The following ATP10A variants were observed in gnomAD, a reference collection of about 807,000 sequenced individuals.
ATP10A encodes the protein phospholipid-transporting ATPase VA.
A neutral mutation model predicts 147.8 loss-of-function variants in ATP10A; 111 were observed. The observed-to-expected ratio is 0.75, with a 90% CI of 0.64 to 0.88. The LOEUF is 0.88. Ranked by LOEUF, ATP10A falls within the 40% of genes least tolerant of loss-of-function variation. ATP10A has a pLI of 0.00. For synonymous variants in ATP10A, 875 were observed against 841.6 expected (o/e 1.04, Z -0.69); for missense variants, 1,927 against 1,959.0 (o/e 0.98, Z 0.31).
intron 2 of ATP10A, among the ~76,000 whole-genome samples, chr15:25,762,725 G>A (rs1046362001): frequency 3.9e-5 from 6 of 152,134 alleles, no homozygotes; most frequent in Middle Eastern, 3.4e-3. Flanking sequence ...AGGAATTGGC[G>A]TGTGGCACCA....
intron 1 of ATP10A, among the ~76,000 whole-genome samples, chr15:25,835,262 C>A (rs990913063): frequency 1.3e-4 from 20 of 152,066 alleles, no homozygotes; most frequent in African/African-American, 4.6e-4. Context: ...TAGAGTGAGA[C>A]CTTATCTCTT....
intron 16 of ATP10A, among the ~76,000 whole-genome samples, chr15:25,685,455 T>C (rs1223267165): frequency 6.6e-6 from 1 of 152,232 alleles, no homozygotes; most frequent in African/African-American, 2.4e-5. Context: ...ACATCATTCT[T>C]GCCCTCCCTT....
intron 16 of ATP10A, 84 bp from the exon 17 acceptor site, chr15:25,683,570 C>A: frequency 7.9e-7 from 1 of 1,264,104 alleles, no homozygotes; most frequent in Non-Finnish European, 1.1e-6. Context: ...GACAGGCCTG[C>A]AGAGTTTCAC....
chr15:25,673,283 C>T (rs924822157), downstream of ATP10A, among the ~76,000 whole-genome samples: 2 of 152,172 alleles, frequency 1.3e-5, no homozygotes, highest in East Asian at 1.9e-4. Flanking sequence ...GAGGCCCCTG[C>T]TACCCACTGT....
At chr15:25,824,148 GA>G (rs11431365) in intron 1 of ATP10A, among the ~76,000 whole-genome samples, 2 of 151,978 alleles carry the variant, frequency 1.3e-5, no homozygotes, top group African/African-American at 4.8e-5. Flanking sequence ...CTATTAAAGA[GA>G]AAAAAAATAT....
intron 13 of ATP10A, among the ~76,000 whole-genome samples, 166 bp from the exon 14 acceptor site, chr15:25,695,312 T>C (rs1900262597): frequency 6.6e-6 from 1 of 152,124 alleles, no homozygotes; most frequent in Non-Finnish European, 1.5e-5. Context: ...CCGGAGAGGA[T>C]GACTTTCCCC....
chr15:25,729,695 T>C (rs1277014861), intron 3 of ATP10A, among the ~76,000 whole-genome samples: 1 of 152,160 alleles, frequency 6.6e-6, no homozygotes, highest in African/African-American at 2.4e-5. Flanking sequence ...TTCTGTCCAC[T>C]CTGTGCTAGC....
intron 1 of ATP10A, among the ~76,000 whole-genome samples, chr15:25,815,958 T>G (rs1018221410): frequency 6.6e-6 from 1 of 151,680 alleles, no homozygotes; most frequent in Non-Finnish European, 1.5e-5. Flanking sequence ...GACAATTGTG[T>G]AGGGTGGAAA....
At chr15:25,732,856 C>T (rs552419192) in intron 3 of ATP10A, among the ~76,000 whole-genome samples, 103 of 152,088 alleles carry the variant, frequency 6.8e-4, no homozygotes, top group African/African-American at 2.4e-3. Context: ...CGCCCGGCCA[C>T]GACACCTTCT....
chr15:25,809,748 C>T (rs8041836), intron 1 of ATP10A, among the ~76,000 whole-genome samples: 1 of 151,868 alleles, frequency 6.6e-6, no homozygotes, highest in Non-Finnish European at 1.5e-5. Context: ...TTTAATCTCT[C>T]GTCTCCAGCA....
At chr15:25,806,495 G>A (rs1891194988) in intron 1 of ATP10A, among the ~76,000 whole-genome samples, 1 of 151,862 alleles carries the variant, frequency 6.6e-6, no homozygotes, top group South Asian at 2.1e-4. Flanking sequence ...TGTATTTTTA[G>A]TAGAGACGGG....
intron 1 of ATP10A, among the ~76,000 whole-genome samples, chr15:25,791,748 T>C (rs1232151666): frequency 6.6e-6 from 1 of 152,174 alleles, no homozygotes; most frequent in African/African-American, 2.4e-5. Context: ...GTGAGAGCAT[T>C]CATATTGAAA....
Position 25,687,793 on chromosome 15 carries a change from G to A in ATP10A, c.3201C>T (p.Phe1067=), listed in dbSNP as rs1443585959. 4.3e-6 allele frequency: 7 copies of A among 1,613,936 alleles called. No individual in the cohort carries two copies. The highest frequency in any genetic ancestry group is 5.1e-6 in the Non-Finnish European group (6 of 1,179,886). Residue 1067 remains phenylalanine, a synonymous_variant, in exon 16 of 21, where the codon TTC becomes TTT. Coordinates refer to ENST00000555815, the MANE Select transcript of ATP10A (RefSeq NM_024490.4). Reference sequence around the variant, plus strand: ...GAATCAAGAGCCTCTCCAGGTATCGGAATTTCGGCACTGCAAAGTCGCTGG... The same window carrying A: ...GAATCAAGAGCCTCTCCAGGTATCGAAATTTCGGCACTGCAAAGTCGCTGG... ...VMASDFAVPK[F]RYLERLLILH... is the part of the protein sequence containing the mutation.
chr15:25,842,477 C>T (rs188391679), intron 1 of ATP10A, among the ~76,000 whole-genome samples: 13 of 152,208 alleles, frequency 8.5e-5, no homozygotes, highest in East Asian at 7.7e-4. Flanking sequence ...AATGAATCTA[C>T]GCCATCTTGT....
rs144531934 is a variant in ATP10A, at chr15:25,777,646, G to C, written c.654+3373C>G. Among the ~76,000 whole-genome samples, 603 of 152,122 alleles carry C rather than the reference G, an allele frequency of 4.0e-3. 4 individuals carry two copies. The highest frequency in any genetic ancestry group is 0.014 in the African/African-American group (595 of 41,490). ...CAGAGATAGGGTCTCTGTCCCCCAG[G>C]CTGGAGTGCAGTGGCATGATCACAG... On this transcript the variant is annotated intron_variant, in intron 2 of 20. Transcript: ENST00000555815.
Position 25,724,980 on chromosome 15 carries a change from T to C in ATP10A, c.980-959A>G, listed in dbSNP as rs531037526. 2.9e-4 allele frequency among the ~76,000 whole-genome samples: 44 copies of C among 152,310 alleles called. No homozygotes were observed. The South Asian group carries it at 4.1e-3, about 14-fold the overall frequency. On this transcript the variant is annotated intron_variant, in intron 5 of 20. Coordinates refer to ENST00000555815, the MANE Select transcript of ATP10A (RefSeq NM_024490.4). ...GGCATTATAAGTAACCTAGAGGTGA[T>C]TTAAAGCAGGGGTCCCTAATCCCCA...
chr15:25,813,150 A>T (rs560680907), intron 1 of ATP10A, among the ~76,000 whole-genome samples: 1 of 152,320 alleles, frequency 6.6e-6, no homozygotes, highest in Admixed American at 6.5e-5. Context: ...CATGCATGTG[A>T]GGAGACTTCC....
At chr15:25,754,355 C>T (rs1006696243) in intron 2 of ATP10A, among the ~76,000 whole-genome samples, 14 of 152,016 alleles carry the variant, frequency 9.2e-5, no homozygotes, top group Non-Finnish European at 1.9e-4. Context: ...AGGATGGTCT[C>T]GATTTCTTGA....
intron 1 of ATP10A, among the ~76,000 whole-genome samples, chr15:25,856,484 T>C (rs1893524584): frequency 6.6e-6 from 1 of 152,232 alleles, no homozygotes; most frequent in Non-Finnish European, 1.5e-5. Context: ...CTAATAGAGT[T>C]AGCGTTAGAT....
Sources: allele counts gnomAD v4.1 joint callset (sites outside exome capture counted in the v4.1 genomes callset), GRCh38; gene constraint gnomAD v4.1.1; transcripts MANE v1.5; gene names NCBI Gene and HGNC (gene_info 2026-07-23, HGNC 2026-07-21).